The following DACH2 variants were observed in gnomAD, a reference collection of about 807,000 sequenced individuals.
The protein encoded by DACH2 is dachshund homolog 2.
A neutral mutation model predicts 35.8 loss-of-function variants in DACH2; 17 were observed. The observed-to-expected ratio is 0.48, with a 90% confidence interval of 0.33 to 0.71. The LOEUF (loss-of-function observed/expected upper bound fraction) is 0.71, where lower values mean the gene tolerates loss of function less well. Among genes scored for constraint, DACH2 ranks in the 30% least tolerant of loss-of-function variants. The pLI, the probability that DACH2 is intolerant of heterozygous loss-of-function variation, is 0.02. For synonymous variants in DACH2, 195 were observed against 177.3 expected (o/e 1.10, Z -0.79); for missense variants, 469 against 472.7 (o/e 0.99, Z 0.07).
intron 5 of DACH2, among the ~76,000 whole-genome samples, chrX:86,709,526 C>T (rs1602830614): frequency 9.0e-6 from 1 of 111,687 alleles, no homozygotes; most frequent in East Asian, 2.8e-4. Flanking sequence ...ATATCAAAAG[C>T]ATAAACCTTA....
chrX:86,354,855 A>C lies in DACH2; in HGVS notation c.489-21969A>C, dbSNP rs200263060. Among the ~76,000 whole-genome samples the C allele has an allele frequency of 5.0e-3, 94 of 18,736 alleles. 32 individuals are homozygous for C. Among genetic ancestry groups the C allele is most frequent in the African/African-American group, 0.019 (57 of 2,926 alleles). 16.3% of individuals were successfully genotyped at this position (18,736 alleles called of 115,157 possible). On this transcript the variant is annotated intron_variant, in intron 1 of 11. Coordinates refer to ENST00000373125, the MANE Select transcript of DACH2 (RefSeq NM_053281.3). Reference sequence around the variant, plus strand: ...AAATAAAAAAAAATAAATGAAAAAAAAAAACAAAACAAAACAAAATAAAAC... The same window carrying C: ...AAATAAAAAAAAATAAATGAAAAAACAAAACAAAACAAAACAAAATAAAAC...
chrX:86,411,270 G>T (rs1303313439), intron 2 of DACH2, among the ~76,000 whole-genome samples: 1 of 107,576 alleles, frequency 9.3e-6, no homozygotes, highest in African/African-American at 3.4e-5. Context: ...CTTTATATTT[G>T]CTGGCAGCTG....
intron 1 of DACH2, among the ~76,000 whole-genome samples, chrX:86,155,581 T>C (rs1425527421): frequency 1.8e-5 from 2 of 110,973 alleles, no homozygotes; most frequent in Non-Finnish European, 3.8e-5. Context: ...AGAGAAACAA[T>C]GCTGTCAATT....
At chrX:86,158,876 T>TAGTC (rs4018617) in intron 1 of DACH2, among the ~76,000 whole-genome samples, 53,748 of 109,514 alleles carry the variant, frequency 0.49, 11,024 homozygotes, top group African/African-American at 0.77. Flanking sequence ...CAACTAAAAA[T>TAGTC]AGTTATTAAG....
intron 2 of DACH2, among the ~76,000 whole-genome samples, chrX:86,500,882 G>C (rs1032114351): frequency 2.7e-5 from 3 of 111,547 alleles, no homozygotes; most frequent in African/African-American, 9.8e-5. Context: ...TTATTTCATT[G>C]CCGACTTTTT....
Position 86,343,854 on chromosome X carries a change from A to G in DACH2, c.489-32970A>G, listed in dbSNP as rs202084712. 7.2e-5 allele frequency among the ~76,000 whole-genome samples: 8 copies of G among 111,287 alleles called. No individual in the cohort carries two copies. In the East Asian group the frequency reaches 2.3e-3, roughly 32 times the overall value. ...GGACACATAGTGGAAACTTGGATCCATATTTTAAAAAAATTTATCATTGGA... is the reference window on the plus strand; with the variant it reads ...GGACACATAGTGGAAACTTGGATCCGTATTTTAAAAAAATTTATCATTGGA... On this transcript the variant is annotated intron_variant, in intron 1 of 11. Transcript: ENST00000373125.
intron 3 of DACH2, among the ~76,000 whole-genome samples, chrX:86,602,706 T>C (rs185782926): frequency 8.0e-5 from 9 of 111,884 alleles, no homozygotes; most frequent in African/African-American, 2.6e-4. Context: ...TCTCATTGAG[T>C]TTAACTATTT....
intron 1 of DACH2, among the ~76,000 whole-genome samples, chrX:86,311,605 T>G (rs917561523): frequency 9.0e-6 from 1 of 111,273 alleles, no homozygotes; most frequent in African/African-American, 3.3e-5. Flanking sequence ...TCACCACTAG[T>G]GAGCCACTAG....
chrX:86,296,452 G>T (rs186716580), intron 1 of DACH2, among the ~76,000 whole-genome samples: 1 of 104,882 alleles, frequency 9.5e-6, no homozygotes, highest in Non-Finnish European at 2.0e-5. Context: ...GATATAATTT[G>T]TGACAAATAC....
At chrX:86,767,043 T>G (rs1328952718) in intron 7 of DACH2, among the ~76,000 whole-genome samples, 1 of 112,070 alleles carries the variant, frequency 8.9e-6, no homozygotes, top group African/African-American at 3.2e-5. Flanking sequence ...TTTATGAAAT[T>G]GTCACTCATG....
chrX:86,423,574 AG>A (rs1416296966), intron 2 of DACH2, among the ~76,000 whole-genome samples: 1 of 108,714 alleles, frequency 9.2e-6, no homozygotes, highest in African/African-American at 3.3e-5. Flanking sequence ...TACCCTTTTC[AG>A]ATGGGTAGTT....
At chrX:86,398,539 T>C in intron 2 of DACH2, among the ~76,000 whole-genome samples, 1 of 111,989 alleles carries the variant, frequency 8.9e-6, no homozygotes, top group Non-Finnish European at 1.9e-5. Flanking sequence ...TGCTATAAAT[T>C]TCCCTCTACA....
At chrX:86,654,282 G>A (rs1299454574) in intron 4 of DACH2, among the ~76,000 whole-genome samples, 1 of 104,019 alleles carries the variant, frequency 9.6e-6, no homozygotes, top group African/African-American at 3.5e-5. Context: ...TCAATATAAT[G>A]TGATAGGTAA....
chrX:86,646,446 T>TA (rs887374302), intron 3 of DACH2, among the ~76,000 whole-genome samples: 95 of 110,003 alleles, frequency 8.6e-4, no homozygotes, highest in African/African-American at 1.9e-3. Flanking sequence ...TACTTTTATT[T>TA]AAAAAAAATG....
chrX:86,763,225 C>A (rs2041900413), intron 7 of DACH2, among the ~76,000 whole-genome samples: 1 of 111,407 alleles, frequency 9.0e-6, no homozygotes, highest in East Asian at 2.8e-4. Flanking sequence ...TGCCCATGAG[C>A]AGTAGAATGA....
chrX:86,461,188 T>C (rs2037565731), intron 2 of DACH2, among the ~76,000 whole-genome samples: 1 of 111,766 alleles, frequency 8.9e-6, no homozygotes, highest in South Asian at 3.7e-4. Context: ...GTGTGAGGAA[T>C]AATTTGTGCA....
chrX:86,774,854 T>C (rs954993800), intron 7 of DACH2, among the ~76,000 whole-genome samples: 2 of 112,080 alleles, frequency 1.8e-5, no homozygotes, highest in Non-Finnish European at 3.8e-5. Context: ...AATATAAACT[T>C]AGGCAACAGG....
chrX:86,429,899 CAT>C (rs1419644417), intron 2 of DACH2, among the ~76,000 whole-genome samples: 1 of 112,100 alleles, frequency 8.9e-6, no homozygotes, highest in Non-Finnish European at 1.9e-5. Context: ...TTTTCTGAAA[CAT>C]AGAACTTTTA....
At chrX:86,429,321 T>G (rs2036944856) in intron 2 of DACH2, among the ~76,000 whole-genome samples, 1 of 111,136 alleles carries the variant, frequency 9.0e-6, no homozygotes, top group African/African-American at 3.3e-5. Flanking sequence ...CCCAGTTGCA[T>G]TTTACCCCAT....
Sources: gnomAD v4.1 joint callset for allele counts (sites outside exome capture counted in the v4.1 genomes callset) on GRCh38, gnomAD v4.1.1 for gene constraint, MANE v1.5 for transcripts, NCBI Gene and HGNC (gene_info 2026-07-23, HGNC 2026-07-21) for gene names.